Variants in FREM2 observed in about 807,000 individuals in gnomAD.
FREM2 encodes the protein FRAS1-related extracellular matrix protein 2.
Under a neutral mutation model 219.9 loss-of-function variants are expected in FREM2, and 119 were observed. The observed-to-expected ratio is 0.54, with a 90% CI of 0.47 to 0.63. FREM2 has a LOEUF of 0.63. Ranked by LOEUF, FREM2 falls within the 30% of genes least tolerant of loss-of-function variation. The probability of loss-of-function intolerance (pLI) is 0.00; values close to 1 mark genes in which losing one functional copy is unlikely to be tolerated. For missense variants in FREM2, 4,030 were observed against 3,993.6 expected, an observed-to-expected ratio of 1.01 and a Z score of -0.25; for synonymous variants, 1,562 against 1,522.8, an observed-to-expected ratio of 1.03 and a Z score of -0.60.
At chr13:38,866,877 T>C (rs1321600140) in intron 16 of FREM2, among the ~76,000 whole-genome samples, 4 of 152,226 alleles carry the variant, frequency 2.6e-5, no homozygotes, top group African/African-American at 4.8e-5. Flanking sequence ...CTATTATATC[T>C]GTCCACTTTT....
At chr13:38,791,982 T>C (rs771326527) in intron 6 of FREM2, among the ~76,000 whole-genome samples, 4 of 152,152 alleles carry the variant, frequency 2.6e-5, no homozygotes, top group Non-Finnish European at 4.4e-5. Flanking sequence ...GTCCTTATTG[T>C]TTGTCATTGG....
Position 38,880,392 on chromosome 13 carries a change from A to T in FREM2, c.9115A>T (p.Ser3039Cys), listed in dbSNP as rs374124601. 37 of 1,613,984 alleles carry T rather than the reference A, an allele frequency of 2.3e-5. No homozygotes were observed. Among genetic ancestry groups the T allele is most frequent in the Non-Finnish European group, 2.9e-5 (34 of 1,180,022 alleles). ...AAGTGTGGAGTACCATTCTCTGGTG[A>T]GTCAAGGAAAGCCCCAATCCACCAC... ...KRSVEYHSLV[S>C]QGKPQSTTKS... Residue 3039 changes from serine to cysteine, a missense_variant, in exon 24 of 24, where the codon AGT (serine) becomes TGT (cysteine). By Grantham distance (112) the Ser-to-Cys change is moderately radical. This residue lies in a region of FREM2 where 928 missense variants were observed against 1,042.9 expected (regional missense o/e 0.89). Coordinates refer to ENST00000280481, the MANE Select transcript of FREM2 (RefSeq NM_207361.6).
intron 16 of FREM2, among the ~76,000 whole-genome samples, chr13:38,865,441 G>A (rs1431325703): frequency 6.6e-6 from 1 of 152,204 alleles, no homozygotes; most frequent in African/African-American, 2.4e-5. Context: ...TAAATAAGGA[G>A]TTACATAAGT....
At chr13:38,775,562 C>T (rs1873839588) in intron 4 of FREM2, among the ~76,000 whole-genome samples, 1 of 152,164 alleles carries the variant, frequency 6.6e-6, no homozygotes, top group African/African-American at 2.4e-5. Context: ...GGAAATTTCT[C>T]CATTTACAAA....
Position 38,876,397 on chromosome 13 carries a change from A to AT in FREM2, c.8544+17dup. 3 of 1,610,274 alleles carry AT rather than the reference A, an allele frequency of 1.9e-6. No individual in the cohort carries two copies. Among genetic ancestry groups the AT allele is most frequent in the African/African-American group, 2.7e-5 (2 of 74,778 alleles). Reference sequence around the variant, plus strand: ...GATTCCAACAGGTGTGGCTTATAGAATTACTATCTTATGACTTGCAGAATC... The same window carrying AT: ...GATTCCAACAGGTGTGGCTTATAGAATTTACTATCTTATGACTTGCAGAATC... On this transcript the variant is annotated intron_variant, in intron 20 of 23. Coordinates refer to ENST00000280481, the MANE Select transcript of FREM2 (RefSeq NM_207361.6).
At position 38,882,196 on chromosome 13, in the gene FREM2, G is replaced by A. The variant is rs1878573580; in HGVS notation, c.*1409G>A. 6.6e-6 allele frequency: 1 copy of A among 152,050 alleles called. No individual in the cohort carries two copies. Among genetic ancestry groups the A allele is most frequent in the Admixed American group, 6.6e-5 (1 of 15,258 alleles). 9.4% of individuals were successfully genotyped at this position (152,050 alleles called of 1,614,324 possible). Reference sequence around the variant, plus strand: ...AAATAGCAGAAATTTCGCTTAGAAGGGGAAAACTTCAGCTTTCCAAAAGCT... The same window carrying A: ...AAATAGCAGAAATTTCGCTTAGAAGAGGAAAACTTCAGCTTTCCAAAAGCT... On this transcript the variant is annotated 3_prime_UTR_variant, in exon 24 of 24. Coordinates refer to ENST00000280481, the MANE Select transcript of FREM2 (RefSeq NM_207361.6).
chr13:38,714,960 C>T (rs7984183), intron 2 of FREM2, among the ~76,000 whole-genome samples: 7,287 of 151,584 alleles, frequency 0.048, 572 homozygotes, highest in African/African-American at 0.16. Flanking sequence ...GGCATGGTGG[C>T]GGGCACCTGT....
At chr13:38,856,326 C>A in intron 12 of FREM2, 70 bp downstream of exon 12, 1 of 1,387,510 alleles carries the variant, frequency 7.2e-7, no homozygotes, top group Non-Finnish European at 1.0e-6. Flanking sequence ...AAAGCAATCA[C>A]ATAGTGTACA....
At chr13:38,810,794 T>G (rs1204997014) in intron 6 of FREM2, among the ~76,000 whole-genome samples, 1 of 151,980 alleles carries the variant, frequency 6.6e-6, no homozygotes, top group Non-Finnish European at 1.5e-5. Flanking sequence ...TTATATGTCT[T>G]TATCTGACTT....
intron 20 of FREM2, 75 bp from the exon 21 acceptor site, chr13:38,877,042 A>C: frequency 6.7e-7 from 1 of 1,492,940 alleles, no homozygotes; most frequent in Non-Finnish European, 9.3e-7. Flanking sequence ...CGGTGAATGT[A>C]TGTATCTGTG....
intron 10 of FREM2, 54 bp from the exon 11 acceptor site, chr13:38,851,632 A>G: frequency 2.3e-6 from 3 of 1,316,558 alleles, no homozygotes; most frequent in Non-Finnish European, 3.3e-6. Context: ...GAAATGGAGG[A>G]AAAGCATTCC....
intron 2 of FREM2, among the ~76,000 whole-genome samples, chr13:38,727,780 G>A (rs1871590907): frequency 6.6e-6 from 1 of 151,870 alleles, no homozygotes; most frequent in African/African-American, 2.4e-5. Flanking sequence ...GCTTTCTTCA[G>A]CTTTTTTTCT....
At chr13:38,869,529 A>G (rs912639642) in intron 16 of FREM2, among the ~76,000 whole-genome samples, 1 of 152,242 alleles carries the variant, frequency 6.6e-6, no homozygotes, top group African/African-American at 2.4e-5. Context: ...AAGTCGTTAC[A>G]AGAGTCAGAT....
At chr13:38,719,083 C>T (rs1033234469) in intron 2 of FREM2, among the ~76,000 whole-genome samples, 2 of 152,168 alleles carry the variant, frequency 1.3e-5, no homozygotes, top group African/African-American at 4.8e-5. Context: ...AAGGTTAAGT[C>T]AGGGTGTAGT....
intron 4 of FREM2, among the ~76,000 whole-genome samples, chr13:38,782,534 A>G (rs955147253): frequency 6.6e-6 from 1 of 152,240 alleles, no homozygotes; most frequent in Non-Finnish European, 1.5e-5. Flanking sequence ...GTATTATTGT[A>G]ACTTTAATCA....
chr13:38,823,109 A>G (rs1876132456), intron 6 of FREM2, among the ~76,000 whole-genome samples: 1 of 152,022 alleles, frequency 6.6e-6, no homozygotes, highest in African/African-American at 2.4e-5. Flanking sequence ...AATCTTGGTG[A>G]ATGGTTCTAT....
At chr13:38,812,818 G>A (rs763283073) in intron 6 of FREM2, among the ~76,000 whole-genome samples, 2 of 151,706 alleles carry the variant, frequency 1.3e-5, no homozygotes, top group Non-Finnish European at 2.9e-5. Context: ...GGGAGATTGA[G>A]GCTGCAGTGA....
At chr13:38,869,019 C>G (rs148556660) in intron 16 of FREM2, among the ~76,000 whole-genome samples, 2 of 152,198 alleles carry the variant, frequency 1.3e-5, no homozygotes, top group Non-Finnish European at 2.9e-5. Context: ...CCAGGCCAAG[C>G]GCCTAGCAGA....
chr13:38,872,725 T>A lies in FREM2; in HGVS notation c.7984-17T>A, dbSNP rs560096126. The A allele has an allele frequency of 4.3e-6, 7 of 1,611,110 alleles. No individual in the cohort carries two copies. In the East Asian group the frequency reaches 1.6e-4, roughly 36 times the overall value. ...TAACACTGAGTCATGTTGATTGATGTAATTTTGTTGTTTTAGGTCCTAAAC... is the reference window on the plus strand; with the variant it reads ...TAACACTGAGTCATGTTGATTGATGAAATTTTGTTGTTTTAGGTCCTAAAC... On this transcript the variant is annotated splice_polypyrimidine_tract_variant and intron_variant, in intron 16 of 23. Transcript: ENST00000280481.
Sources: allele counts gnomAD v4.1 joint callset (sites outside exome capture counted in the v4.1 genomes callset), GRCh38; gene constraint gnomAD v4.1.1; regional missense constraint gnomAD v4.1.1; transcripts MANE v1.5; gene names NCBI Gene and HGNC (gene_info 2026-07-23, HGNC 2026-07-21).